LPAR5: variants seen among roughly 807,000 people sequenced by gnomAD.
The protein encoded by LPAR5 is lysophosphatidic acid receptor 5.
For synonymous variants in LPAR5, 271 were observed against 261.6 expected, an observed-to-expected ratio of 1.04 and a Z score of -0.35; for missense variants, 544 against 521.8, an observed-to-expected ratio of 1.04 and a Z score of -0.41.
chr12:6,624,183 G>C (rs185988432), intron 1 of LPAR5, among the ~76,000 whole-genome samples: 5 of 152,282 alleles, frequency 3.3e-5, no homozygotes, highest in Non-Finnish European at 7.4e-5. Context: ...AGCCACATGT[G>C]AATAAATTTG....
chr12:6,625,062 C>T (rs1948924087), intron 1 of LPAR5, among the ~76,000 whole-genome samples: 1 of 152,186 alleles, frequency 6.6e-6, no homozygotes, highest in African/African-American at 2.4e-5. Context: ...GTCTAGATGT[C>T]ATCTTAGGGA....
intron 1 of LPAR5, among the ~76,000 whole-genome samples, chr12:6,632,880 C>T (rs1264628444): frequency 1.3e-5 from 2 of 152,170 alleles, no homozygotes; most frequent in Non-Finnish European, 2.9e-5. Flanking sequence ...GAGTCTCTGG[C>T]ACGGATCCCG....
At position 6,619,566 on chromosome 12, in the gene LPAR5, A is replaced by G. The variant is rs373009028; in HGVS notation, c.*564T>C. On this transcript the variant is annotated 3_prime_UTR_variant, in exon 2 of 2. Transcript: ENST00000329858. ...ATCCCATGCTGGATGCCAAGTCTAA[A>G]TTGTCACAAGTCACTATGCGAGAAA... 103 of 183,554 alleles carry G rather than the reference A, an allele frequency of 5.6e-4. No individual in the cohort carries two copies. In the South Asian group the frequency reaches 5.6e-3, roughly 10 times the overall value. 11.4% of individuals were successfully genotyped at this position (183,554 alleles called of 1,614,324 possible). A position where few individuals can be genotyped will look rare whatever the true frequency, so the allele number is the denominator to read the frequency against.
At chr12:6,627,314 G>A (rs1310183377) in intron 1 of LPAR5, among the ~76,000 whole-genome samples, 6 of 151,936 alleles carry the variant, frequency 3.9e-5, no homozygotes, top group South Asian at 2.1e-4. Context: ...TAAATAGACC[G>A]GGAATGGTGG....
intron 1 of LPAR5, among the ~76,000 whole-genome samples, chr12:6,621,917 C>T (rs1290961717): frequency 6.6e-6 from 1 of 151,996 alleles, no homozygotes; most frequent in Non-Finnish European, 1.5e-5. Flanking sequence ...TACCTGAGGT[C>T]AGGAGTTCGA....
rs1419421073 is a variant in LPAR5, at chr12:6,619,691, C to T, written c.*439G>A. ...AGGGGGTGGCATCCATGAGCCTAGA[C>T]AGAAGTCAGCAGATGAACAGGCATC... On this transcript the variant is annotated 3_prime_UTR_variant, in exon 2 of 2. Transcript: ENST00000329858. 1 of 350,834 alleles carries T rather than the reference C, an allele frequency of 2.9e-6. No homozygotes were observed. Among genetic ancestry groups the T allele is most frequent in the Non-Finnish European group, 5.6e-6 (1 of 178,520 alleles). The allele number at this position is 350,834 out of a possible 1,614,324, so 21.7% of individuals were successfully genotyped here. A position where few individuals can be genotyped will look rare whatever the true frequency, so the allele number is the denominator to read the frequency against.
chr12:6,631,389 C>G (rs1410791619), intron 1 of LPAR5, among the ~76,000 whole-genome samples: 2 of 152,176 alleles, frequency 1.3e-5, no homozygotes, highest in African/African-American at 4.8e-5. Flanking sequence ...GGCAGCTTCA[C>G]AAGCATGGGA....
intron 1 of LPAR5, among the ~76,000 whole-genome samples, chr12:6,625,009 C>A (rs1330155507): frequency 6.6e-6 from 1 of 152,178 alleles, no homozygotes; most frequent in Admixed American, 6.5e-5. Flanking sequence ...TGGATTCTTT[C>A]CACCTTTTGG....
intron 1 of LPAR5, among the ~76,000 whole-genome samples, chr12:6,628,527 C>G (rs34769300): frequency 3.3e-5 from 5 of 151,928 alleles, no homozygotes; most frequent in Admixed American, 2.0e-4. Context: ...GTGGCAGAAT[C>G]TCGGCTCACT....
chr12:6,623,053 C>A (rs1948907668), intron 1 of LPAR5, among the ~76,000 whole-genome samples: 1 of 152,088 alleles, frequency 6.6e-6, no homozygotes, highest in Non-Finnish European at 1.5e-5. Context: ...GCCTGGCCAA[C>A]CTGGCAAAAC....
At chr12:6,622,921 A>T (rs1336942469) in intron 1 of LPAR5, among the ~76,000 whole-genome samples, 4 of 151,998 alleles carry the variant, frequency 2.6e-5, no homozygotes, top group Non-Finnish European at 5.9e-5. Context: ...TGGGTGACAG[A>T]GTGAGCCCAT....
chr12:6,624,231 G>A (rs1020442973), intron 1 of LPAR5, among the ~76,000 whole-genome samples: 2 of 152,048 alleles, frequency 1.3e-5, no homozygotes, highest in African/African-American at 2.4e-5. Context: ...GGCCCTGTGG[G>A]TTGAGTTTTG....
In LPAR5 at chr12:6,621,278, G is replaced by A; in HGVS notation, c.-30C>T. The A allele has an allele frequency of 1.3e-6, 2 of 1,483,372 alleles. No individual in the cohort carries two copies. The highest frequency in any genetic ancestry group is 1.5e-5 in the South Asian group (1 of 68,348). The allele number at this position is 1,483,372 out of a possible 1,614,324, so 91.9% of individuals were successfully genotyped here. On this transcript the variant is annotated 5_prime_UTR_variant, in exon 2 of 2. Transcript: ENST00000329858. ...CCAAAGTGGGATTGGGAGCTAGGCT[G>A]GGGATGCCATGGAGCACACCAGAAT...
intron 1 of LPAR5, among the ~76,000 whole-genome samples, chr12:6,631,122 G>C (rs1948978342): frequency 6.6e-6 from 1 of 152,190 alleles, no homozygotes; most frequent in African/African-American, 2.4e-5. Context: ...CACCAGGAAG[G>C]AGGGACATGG....
intron 1 of LPAR5, among the ~76,000 whole-genome samples, chr12:6,628,084 C>T (rs932917655): frequency 4.2e-5 from 6 of 141,644 alleles, no homozygotes; most frequent in Admixed American, 3.9e-4. Context: ...TGCAGTGGCT[C>T]AATCTGGGCT....
At chr12:6,626,244 C>T (rs1258505619) in intron 1 of LPAR5, among the ~76,000 whole-genome samples, 1 of 152,112 alleles carries the variant, frequency 6.6e-6, no homozygotes, top group African/African-American at 2.4e-5. Flanking sequence ...CACTGCACTC[C>T]AGCCTGGGCA....
rs1425522658 is a variant in LPAR5, at chr12:6,621,012, G to C, written c.237C>G (p.Leu79=). ...LLFTLSLPVR[L]SYYALHHWPF... ...GCCAGTGGTGCAGTGCGTAGTAGGA[G>C]AGACGAACGGGCAGCGAGAGGGTGA... The change falls in exon 2 of 2, where the codon CTC becomes CTG. Residue 79 remains leucine (L), a synonymous_variant. Transcript: ENST00000329858. The C allele has an allele frequency of 6.2e-7, 1 of 1,612,394 alleles. No homozygotes were observed. Among genetic ancestry groups the C allele is most frequent in the Non-Finnish European group, 8.5e-7 (1 of 1,179,132 alleles).
rs1033012690 is a variant in LPAR5, at chr12:6,620,639, G to A, written c.610C>T (p.Leu204=). 42 of 1,554,070 alleles carry A rather than the reference G, an allele frequency of 2.7e-5. No individual in the cohort carries two copies. Among genetic ancestry groups the A allele is most frequent in the Non-Finnish European group, 3.4e-5 (39 of 1,149,586 alleles). The part of the protein sequence containing the change: ...LAEALGFLLP[L]AAVVYSSGRV... Reference sequence around the variant, plus strand: ...CCCGACGAGTAGACCACCGCCGCCAGGGGCAGCAGGAAGCCCAGCGCCTCG... The same window carrying A: ...CCCGACGAGTAGACCACCGCCGCCAAGGGCAGCAGGAAGCCCAGCGCCTCG... Residue 204 remains leucine, a synonymous_variant, in exon 2 of 2, where the codon CTG becomes TTG. Coordinates refer to ENST00000329858, the MANE Select transcript of LPAR5 (RefSeq NM_020400.6). The surrounding 1 kb of genome is among the most constrained non-coding windows in gnomAD (Gnocchi z 6.8).
intron 1 of LPAR5, among the ~76,000 whole-genome samples, chr12:6,628,137 T>A (rs1948955598): frequency 1.3e-5 from 2 of 150,696 alleles, no homozygotes; most frequent in Admixed American, 1.3e-4. Context: ...TTCTCCTGCC[T>A]CAGCCTCCCG....
Sources: gnomAD v4.1 joint callset for allele counts (sites outside exome capture counted in the v4.1 genomes callset) on GRCh38, gnomAD v4.1.1 for gene constraint, Gnocchi (gnomAD v3.1) non-coding constraint, MANE v1.5 for transcripts, NCBI Gene and HGNC (gene_info 2026-07-23, HGNC 2026-07-21) for gene names.